Variants in STAT3 observed in about 807,000 individuals in gnomAD.
STAT3 encodes the protein DNA-binding protein APRF.
A neutral mutation model predicts 114.3 loss-of-function variants in STAT3; 7 were observed. The ratio of observed to expected loss-of-function variants is 0.06; its 90% confidence interval spans 0.03 to 0.11. The LOEUF is 0.11. Among genes scored for constraint, STAT3 ranks in the 10% least tolerant of loss-of-function variants. The probability of loss-of-function intolerance (pLI) is 1.00; values close to 1 mark genes in which losing one functional copy is unlikely to be tolerated. For synonymous variants in STAT3, 331 were observed against 354.5 expected (o/e 0.93, Z 0.74); for missense variants, 364 against 960.9 (o/e 0.38, Z 8.21).
chr17:42,339,540 G>C, intron 4 of STAT3, 131 bp from the exon 5 acceptor site: 1 of 838,688 alleles, frequency 1.2e-6, no homozygotes, highest in Admixed American at 2.0e-5. Context: ...ACAAGAGGAA[G>C]GGAAACAGAG....
intron 5 of STAT3, 103 bp from the exon 6 acceptor site, chr17:42,338,915 A>G: frequency 9.3e-7 from 1 of 1,075,048 alleles, no homozygotes; most frequent in Non-Finnish European, 1.4e-6. Flanking sequence ...CCAAAACCTC[A>G]AAAAAGATAC....
At chr17:42,342,554 T>TCAG (rs1368082370) in intron 4 of STAT3, among the ~76,000 whole-genome samples, 1 of 152,084 alleles carries the variant, frequency 6.6e-6, no homozygotes, top group African/African-American at 2.4e-5. Context: ...GATAGTGATG[T>TCAG]CAGCAGCAGC....
chr17:42,381,273 G>A (rs866475982), intron 1 of STAT3, among the ~76,000 whole-genome samples: 1 of 152,190 alleles, frequency 6.6e-6, no homozygotes, highest in Non-Finnish European at 1.5e-5. Flanking sequence ...TTTGGCTGAC[G>A]CAGTTAAAAA....
intron 15 of STAT3, among the ~76,000 whole-genome samples, chr17:42,325,835 T>G (rs1249253977): frequency 1.3e-5 from 2 of 152,242 alleles, no homozygotes; most frequent in Non-Finnish European, 2.9e-5. Context: ...GTGCTGGGAT[T>G]ACAGGCGTGA....
chr17:42,314,396 C>T lies in STAT3; in HGVS notation c.*1349G>A, dbSNP rs541925122. The T allele has an allele frequency of 4.3e-6, 1 of 231,252 alleles. No individual in the cohort carries two copies. The highest frequency in any genetic ancestry group is 1.8e-4 in the South Asian group (1 of 5,466). 14.3% of individuals were successfully genotyped at this position (231,252 alleles called of 1,614,324 possible). On this transcript the variant is annotated 3_prime_UTR_variant, in exon 24 of 24. Transcript: ENST00000264657. Reference sequence around the variant, plus strand: ...CCTCTTCTTCCATGAGGTCCTGAGACCAGGATTCCTAAAACAAACAGGATG... The same window carrying T: ...CCTCTTCTTCCATGAGGTCCTGAGATCAGGATTCCTAAAACAAACAGGATG...
intron 1 of STAT3, among the ~76,000 whole-genome samples, chr17:42,378,294 G>A (rs1192279319): frequency 6.6e-6 from 1 of 151,918 alleles, no homozygotes; most frequent in Non-Finnish European, 1.5e-5. Flanking sequence ...TGCCCAGGCT[G>A]GAGTGCAGTG....
At chr17:42,382,938 C>T (rs892340470) in intron 1 of STAT3, among the ~76,000 whole-genome samples, 10 of 151,968 alleles carry the variant, frequency 6.6e-5, no homozygotes, top group Non-Finnish European at 1.0e-4. Context: ...CCACCACACC[C>T]GGCTGGGTAA....
In STAT3 at chr17:42,383,230, T is replaced by C. The variant is rs144385582; in HGVS notation, c.-24+5049A>G. Among the ~76,000 whole-genome samples the C allele has an allele frequency of 1.9e-3, 289 of 152,256 alleles. 5 individuals carry two copies. The highest frequency in any genetic ancestry group is 0.016 in the East Asian group (84 of 5,182). On this transcript the variant is annotated intron_variant, in intron 1 of 23. Transcript: ENST00000264657. ...TGCCACCACACCTGGCTAATTTTTGTATTTTTAGTAGAGACGGGGTTTTAC... is the reference window on the plus strand; with the variant it reads ...TGCCACCACACCTGGCTAATTTTTGCATTTTTAGTAGAGACGGGGTTTTAC...
In STAT3 at chr17:42,329,420, G is replaced by A. The variant is rs768739455; in HGVS notation, c.1271C>T (p.Ala424Val). 1.2e-6 allele frequency: 2 copies of A among 1,614,028 alleles called. No individual in the cohort carries two copies. Residue 424 changes from alanine (A) to valine (V), a missense_variant, in exon 14 of 24, where the codon GCC becomes GTC. Physicochemically the swap from Ala to Val is moderately conservative, Grantham distance 64. Transcript: ENST00000264657. The stretch of plus-strand genomic sequence containing the variant: ...CCCAACAAAACTTACATCACAATTG[G>A]CTCGGCCCCCATTCCCACATCTCTG... ...REQRCGNGGR[A>V]NCDASLIVTE...
intron 4 of STAT3, among the ~76,000 whole-genome samples, chr17:42,341,008 C>T (rs975701115): frequency 6.6e-6 from 1 of 152,074 alleles, no homozygotes; most frequent in East Asian, 1.9e-4. Context: ...GTCTCTCTAC[C>T]CCAAGATCTA....
In STAT3 at chr17:42,317,218, G is replaced by A. The variant is rs2144623080; in HGVS notation, c.2108C>T (p.Ala703Val). 6.2e-7 allele frequency: 1 copy of A among 1,613,860 alleles called. No homozygotes were observed. The highest frequency in any genetic ancestry group is 8.5e-7 in the Non-Finnish European group (1 of 1,179,902). ...EHPEADPGSAAPYLKTKFICV... is the reference protein window; with the variant it reads ...EHPEADPGSAVPYLKTKFICV... ...GATAAACTTGGTCTTCAGGTATGGGGCAGCGCCTGGGAAGAAGAAAACCAG... is the reference window on the plus strand; with the variant it reads ...GATAAACTTGGTCTTCAGGTATGGGACAGCGCCTGGGAAGAAGAAAACCAG... Residue 703 changes from alanine (A) to valine (V), a missense_variant, in exon 22 of 24, where the codon GCC becomes GTC. By Grantham distance (64) the Ala-to-Val change is moderately conservative. Around this residue, in one of 5 missense-constraint regions of STAT3, gnomAD observed 21 missense variants for 43.2 expected, o/e 0.49. Transcript: ENST00000264657.
At chr17:42,338,931 G>A (rs1462713079) in intron 5 of STAT3, 119 bp from the exon 6 acceptor site, 3 of 884,998 alleles carry the variant, frequency 3.4e-6, no homozygotes, top group Non-Finnish European at 5.3e-6. Flanking sequence ...GATACATGCA[G>A]GACCTGCAGG....
chr17:42,330,651 G>C (rs922736079), intron 11 of STAT3, among the ~76,000 whole-genome samples: 1 of 147,752 alleles, frequency 6.8e-6, no homozygotes, highest in African/African-American at 2.5e-5. Context: ...GGATGGTCTC[G>C]ATCTCCTGAC....
chr17:42,368,325 T>C (rs1369730363), intron 1 of STAT3, among the ~76,000 whole-genome samples: 1 of 152,244 alleles, frequency 6.6e-6, no homozygotes, highest in Non-Finnish European at 1.5e-5. Flanking sequence ...CATTATTTCA[T>C]GACATGTGCC....
At chr17:42,326,645 C>A (rs1260580581) in intron 14 of STAT3, among the ~76,000 whole-genome samples, 2 of 152,018 alleles carry the variant, frequency 1.3e-5, no homozygotes, top group Non-Finnish European at 2.9e-5. Flanking sequence ...TTTGGTGAAA[C>A]CCCGTTTCTA....
chr17:42,356,636 GTGTT>G (rs541278570), intron 1 of STAT3, among the ~76,000 whole-genome samples: 33 of 151,212 alleles, frequency 2.2e-4, no homozygotes, highest in African/African-American at 6.1e-4. Context: ...AAAGAGTATT[GTGTT>G]TGTTTGTTTG....
At position 42,367,287 on chromosome 17, in the gene STAT3, C is replaced by T. The variant is rs115434199; in HGVS notation, c.-23-18748G>A. On this transcript the variant is annotated intron_variant, in intron 1 of 23. Coordinates refer to ENST00000264657, the MANE Select transcript of STAT3 (RefSeq NM_139276.3). Reference sequence around the variant, plus strand: ...CCAGGAAGTAGATGTTGCAATGAGCCGAGATTGCGCCACTGCACTTCAGCC... The same window carrying T: ...CCAGGAAGTAGATGTTGCAATGAGCTGAGATTGCGCCACTGCACTTCAGCC... Among the ~76,000 whole-genome samples the T allele has an allele frequency of 1.1e-3, 171 of 151,374 alleles. 1 individual carries two copies. The highest frequency in any genetic ancestry group is 3.8e-3 in the African/African-American group (157 of 41,220).
In STAT3 at chr17:42,314,174, C is replaced by T. The variant is rs1043453080; in HGVS notation, c.*1571G>A. On this transcript the variant is annotated 3_prime_UTR_variant, in exon 24 of 24. Coordinates refer to ENST00000264657, the MANE Select transcript of STAT3 (RefSeq NM_139276.3). The stretch of plus-strand genomic sequence containing the variant: ...GGAGTCACCAGCCTCAGAGGGAGGC[C>T]AGGTATACACCCTCATACGAGGGCA... The T allele has an allele frequency of 4.3e-5, 10 of 232,490 alleles. No individual in the cohort carries two copies. Among genetic ancestry groups the T allele is most frequent in the Non-Finnish European group, 6.8e-5 (8 of 117,384 alleles). The allele number at this position is 232,490 out of a possible 1,614,324, so 14.4% of individuals were successfully genotyped here. A position where few individuals can be genotyped will look rare whatever the true frequency, so the allele number is the denominator to read the frequency against.
chr17:42,347,773 C>G (rs1270567633), intron 2 of STAT3, among the ~76,000 whole-genome samples: 1 of 152,156 alleles, frequency 6.6e-6, no homozygotes, highest in Non-Finnish European at 1.5e-5. Flanking sequence ...GGCACCTCCC[C>G]CTTGCTCTCT....
Sources: allele counts gnomAD v4.1 joint callset (sites outside exome capture counted in the v4.1 genomes callset), GRCh38; gene constraint gnomAD v4.1.1; regional missense constraint gnomAD v4.1.1; transcripts MANE v1.5; gene names NCBI Gene and HGNC (gene_info 2026-07-23, HGNC 2026-07-21).